Variants in TRMT10B observed in about 807,000 individuals in gnomAD.
TRMT10B encodes the protein tRNA methyltransferase 10B, also known as tRNA methyltransferase 10 homolog B.
Under a neutral mutation model 43.8 loss-of-function variants are expected in TRMT10B, and 33 were observed. The observed-to-expected ratio is 0.75, with a 90% CI of 0.57 to 1.01. The LOEUF is 1.01. Among genes scored for constraint, TRMT10B ranks in the 50% least tolerant of loss-of-function variants. The pLI, the probability that TRMT10B is intolerant of heterozygous loss-of-function variation, is 0.00. For synonymous variants in TRMT10B, 137 were observed against 130.6 expected (o/e 1.05, Z -0.34); for missense variants, 362 against 369.8 (o/e 0.98, Z 0.17).
At chr9:37,770,643 G>A in intron 6 of TRMT10B, 29 bp from the exon 7 acceptor site, 1 of 1,583,070 alleles carries the variant, frequency 6.3e-7, no homozygotes, top group Non-Finnish European at 8.7e-7. Flanking sequence ...AAACAGATTT[G>A]ATCTCATTGG....
intron 5 of TRMT10B, among the ~76,000 whole-genome samples, chr9:37,769,302 T>C (rs935334087): frequency 8.5e-5 from 9 of 105,762 alleles, no homozygotes; most frequent in Admixed American, 4.8e-4. Flanking sequence ...AGCCAGACCC[T>C]GTCTTTAAAA....
At chr9:37,771,881 T>TC (rs916532850) in intron 7 of TRMT10B, among the ~76,000 whole-genome samples, 19 of 151,808 alleles carry the variant, frequency 1.3e-4, no homozygotes, top group Admixed American at 9.8e-4. Context: ...AAAATGTTTT[T>TC]TTTTTTTCTT....
intron 1 of TRMT10B, among the ~76,000 whole-genome samples, chr9:37,759,655 A>G (rs1826117075): frequency 6.6e-6 from 1 of 151,932 alleles, no homozygotes; most frequent in Non-Finnish European, 1.5e-5. Flanking sequence ...CATTTCTGCT[A>G]AAAATACAAA....
chr9:37,769,930 G>A lies in TRMT10B; in HGVS notation c.574-11G>A. On this transcript the variant is annotated splice_polypyrimidine_tract_variant and intron_variant, in intron 5 of 8. Coordinates refer to ENST00000297994, the MANE Select transcript of TRMT10B (RefSeq NM_144964.4). The stretch of plus-strand genomic sequence containing the variant: ...GAGCTGTTTTAACATCAGACTGTTT[G>A]CATTTTCCAGTTAGACATAACAGAA... 1 of 1,613,052 alleles carries A rather than the reference G, an allele frequency of 6.2e-7. No individual in the cohort carries two copies. The highest frequency in any genetic ancestry group is 8.5e-7 in the Non-Finnish European group (1 of 1,179,100).
chr9:37,761,069 C>T (rs968048641), intron 1 of TRMT10B, among the ~76,000 whole-genome samples: 1 of 152,136 alleles, frequency 6.6e-6, no homozygotes, highest in Non-Finnish European at 1.5e-5. Context: ...GGAGGAAATA[C>T]ATAGTTTAAA....
At chr9:37,762,820 G>C (rs933835478) in intron 3 of TRMT10B, 135 bp downstream of exon 3, 2 of 1,169,090 alleles carry the variant, frequency 1.7e-6, no homozygotes, top group African/African-American at 3.1e-5. Context: ...ATTTTCTTGG[G>C]AATCAAAACA....
chr9:37,767,675 A>C (rs1827140623), intron 4 of TRMT10B, among the ~76,000 whole-genome samples: 1 of 152,008 alleles, frequency 6.6e-6, no homozygotes, highest in Non-Finnish European at 1.5e-5. Flanking sequence ...AAAACTTCCA[A>C]CCCTATTGCA....
At chr9:37,768,993 CCTTTT>C (rs1334199734) in intron 5 of TRMT10B, among the ~76,000 whole-genome samples, 1 of 152,060 alleles carries the variant, frequency 6.6e-6, no homozygotes, top group Non-Finnish European at 1.5e-5. Flanking sequence ...GAGTTCTTCT[CCTTTT>C]GTGTATGTCA....
upstream of TRMT10B, among the ~76,000 whole-genome samples, chr9:37,753,397 G>A (rs910782345): frequency 2.6e-5 from 4 of 152,130 alleles, no homozygotes; most frequent in African/African-American, 9.7e-5. Context: ...ATGTCCAACC[G>A]CCCCGCTCCA....
At chr9:37,756,902 T>C (rs1015443123) in intron 1 of TRMT10B, among the ~76,000 whole-genome samples, 3 of 151,688 alleles carry the variant, frequency 2.0e-5, no homozygotes, top group Non-Finnish European at 4.4e-5. Context: ...AGGTGTGAGG[T>C]GGCTCACATC....
chr9:37,754,302 G>A (rs999714899), intron 1 of TRMT10B, among the ~76,000 whole-genome samples: 3 of 152,226 alleles, frequency 2.0e-5, no homozygotes, highest in East Asian at 3.8e-4. Flanking sequence ...ATATGAATGA[G>A]GAGAGGAAGG....
intron 1 of TRMT10B, among the ~76,000 whole-genome samples, chr9:37,754,846 T>TA (rs1825442168): frequency 6.6e-6 from 1 of 152,222 alleles, no homozygotes; most frequent in African/African-American, 2.4e-5. Flanking sequence ...CACTTCTTGA[T>TA]ACTGTTACAA....
chr9:37,769,723 G>C, intron 5 of TRMT10B: 1 of 528,966 alleles, frequency 1.9e-6, no homozygotes, highest in Middle Eastern at 5.3e-4. Flanking sequence ...TCACTCCTAA[G>C]TATTATAGCT....
intron 4 of TRMT10B, among the ~76,000 whole-genome samples, chr9:37,764,315 A>ATT (rs753115932): frequency 0.15 from 16,628 of 110,224 alleles, 1,090 homozygotes; most frequent in South Asian, 0.19. Flanking sequence ...CGCCTGACAA[A>ATT]TTTTTTTTTT....
In TRMT10B at chr9:37,776,196, G is replaced by A. The variant is rs540748954; in HGVS notation, c.721-86G>A. 68 of 1,124,916 alleles carry A rather than the reference G, an allele frequency of 6.0e-5. No homozygotes were observed. The African/African-American group carries it at 6.3e-4, about 10-fold the overall frequency. The allele number at this position is 1,124,916 out of a possible 1,614,324, so 69.7% of individuals were successfully genotyped here. On this transcript the variant is annotated intron_variant, in intron 7 of 8. Transcript: ENST00000297994. ...CTGCAGTTTCTTCCATTCCACAATAGGCTACTTATTTTTAATGCTGTATTA... is the reference window on the plus strand; with the variant it reads ...CTGCAGTTTCTTCCATTCCACAATAAGCTACTTATTTTTAATGCTGTATTA...
At position 37,777,930 on chromosome 9, in the gene TRMT10B, G is replaced by A. The variant is rs971858746; in HGVS notation, c.*223G>A. 9 of 387,666 alleles carry A rather than the reference G, an allele frequency of 2.3e-5. No individual in the cohort carries two copies. The highest frequency in any genetic ancestry group is 3.4e-5 in the Non-Finnish European group (7 of 206,248). The allele number at this position is 387,666 out of a possible 1,614,324, so 24.0% of individuals were successfully genotyped here. On this transcript the variant is annotated 3_prime_UTR_variant, in exon 9 of 9. Coordinates refer to ENST00000297994, the MANE Select transcript of TRMT10B (RefSeq NM_144964.4). Reference sequence around the variant, plus strand: ...TGAGGCAGGAGAATCACTTGAACTCGGGAGGCGAAGGTTGCAGTGAGCCGA... The same window carrying A: ...TGAGGCAGGAGAATCACTTGAACTCAGGAGGCGAAGGTTGCAGTGAGCCGA...
At chr9:37,772,924 A>G (rs1827738325) in intron 7 of TRMT10B, among the ~76,000 whole-genome samples, 2 of 152,240 alleles carry the variant, frequency 1.3e-5, no homozygotes, top group South Asian at 4.1e-4. Context: ...TTTATAAAAA[A>G]CAGTTTGGGG....
chr9:37,770,838 TCA>T (rs1827497902), intron 7 of TRMT10B, 99 bp downstream of exon 7: 1 of 1,264,984 alleles, frequency 7.9e-7, no homozygotes, highest in Non-Finnish European at 1.1e-6. Context: ...GTCTAAGAAC[TCA>T]GAGGGAACAG....
chr9:37,754,092 C>T (rs1345226506), intron 1 of TRMT10B, among the ~76,000 whole-genome samples: 1 of 152,180 alleles, frequency 6.6e-6, no homozygotes, highest in East Asian at 1.9e-4. Flanking sequence ...CATCACTTAG[C>T]GGCAGTGTAG....
Sources: allele counts gnomAD v4.1 joint callset (sites outside exome capture counted in the v4.1 genomes callset), GRCh38; gene constraint gnomAD v4.1.1; transcripts MANE v1.5; gene names NCBI Gene and HGNC (gene_info 2026-07-23, HGNC 2026-07-21).